Variants in SFXN5 observed in about 807,000 individuals in gnomAD.
SFXN5 encodes the protein sideroflexin-5.
In SFXN5, 43 loss-of-function variants were observed where a neutral mutation model predicts 50.2. The observed-to-expected ratio is 0.86, with a 90% CI of 0.67 to 1.11. SFXN5 has a LOEUF of 1.11. Ranked by LOEUF, SFXN5 falls within the 50% of genes least tolerant of loss-of-function variation. The probability of loss-of-function intolerance (pLI) is 0.00; values close to 1 mark genes in which losing one functional copy is unlikely to be tolerated. For synonymous variants in SFXN5, 203 were observed against 185.8 expected, an observed-to-expected ratio of 1.09 and a Z score of -0.75; for missense variants, 463 against 454.1, an observed-to-expected ratio of 1.02 and a Z score of -0.18.
rs1671746433 is a variant in SFXN5, at chr2:72,944,776, C to A, written c.*246G>T. ...ATAATTGTGCTGAGTGGAGTTTTGA[C>A]AACCCCACATAAGGCCCAGAAATGC... On this transcript the variant is annotated 3_prime_UTR_variant, in exon 14 of 14. Coordinates refer to ENST00000272433, the MANE Select transcript of SFXN5 (RefSeq NM_144579.3). 1 of 475,160 alleles carries A rather than the reference C, an allele frequency of 2.1e-6. No individual in the cohort carries two copies. Among genetic ancestry groups the A allele is most frequent in the African/African-American group, 2.0e-5 (1 of 51,100 alleles). The allele number at this position is 475,160 out of a possible 1,614,324, so 29.4% of individuals were successfully genotyped here. A position where few individuals can be genotyped will look rare whatever the true frequency, so the allele number is the denominator to read the frequency against.
chr2:73,020,328 G>A, intron 5 of SFXN5, 64 bp from the exon 6 acceptor site: 14 of 1,560,464 alleles, frequency 9.0e-6, no homozygotes, highest in Non-Finnish European at 1.1e-5. Flanking sequence ...AGATACCCAG[G>A]AGCCTCCGGG....
intron 1 of SFXN5, chr2:73,070,792 G>C (rs1361634696): frequency 6.6e-6 from 1 of 152,246 alleles, no homozygotes; most frequent in Non-Finnish European, 1.5e-5. Context: ...GGTGTGCCCA[G>C]AGCCAGTCCC....
intron 2 of SFXN5, among the ~76,000 whole-genome samples, chr2:73,047,347 A>C (rs1680634007): frequency 7.2e-6 from 1 of 139,622 alleles, no homozygotes. Context: ...ATATGTACAT[A>C]TATATGTGTA....
chr2:72,955,764 G>A (rs535327382), intron 13 of SFXN5, among the ~76,000 whole-genome samples: 31 of 152,216 alleles, frequency 2.0e-4, no homozygotes, highest in Non-Finnish European at 4.1e-4. Context: ...TGAGGCCCCA[G>A]TGTATGTCTG....
intron 2 of SFXN5, chr2:73,053,611 A>C (rs901497462): frequency 1.3e-5 from 2 of 152,198 alleles, no homozygotes; most frequent in Non-Finnish European, 1.5e-5. Context: ...AAGGGTTGGG[A>C]TCTTTTTAAA....
chr2:72,990,100 C>T (rs1268808645), intron 9 of SFXN5, among the ~76,000 whole-genome samples: 2 of 152,222 alleles, frequency 1.3e-5, no homozygotes, highest in African/African-American at 4.8e-5. Context: ...GCCCAGGCTG[C>T]GACTGTGAGA....
chr2:72,980,529 T>A (rs1433326025), intron 10 of SFXN5, among the ~76,000 whole-genome samples: 2 of 152,150 alleles, frequency 1.3e-5, no homozygotes, highest in African/African-American at 4.8e-5. Flanking sequence ...TTCTCTTAAG[T>A]AGCTTGAGAA....
intron 6 of SFXN5, among the ~76,000 whole-genome samples, chr2:73,010,741 T>C (rs1162632904): frequency 1.3e-5 from 2 of 152,226 alleles, no homozygotes; most frequent in African/African-American, 4.8e-5. Flanking sequence ...GAACACATTT[T>C]TTAAAACCCA....
At chr2:73,050,388 G>GCGCGCGCGCACACACACACACA in intron 2 of SFXN5, among the ~76,000 whole-genome samples, 55 of 143,908 alleles carry the variant, frequency 3.8e-4, no homozygotes, top group Middle Eastern at 3.5e-3. Flanking sequence ...CAGCCACAGC[G>GCGCGCGCGCACACACACACACA]CACGCACACA....
intron 13 of SFXN5, among the ~76,000 whole-genome samples, chr2:72,952,486 C>T (rs544684780): frequency 6.6e-6 from 1 of 152,320 alleles, no homozygotes; most frequent in African/African-American, 2.4e-5. Flanking sequence ...AGTAGGTCCT[C>T]AGTAACAGCT....
intron 6 of SFXN5, among the ~76,000 whole-genome samples, chr2:73,018,426 T>C (rs1676435213): frequency 1.3e-5 from 2 of 151,994 alleles, no homozygotes; most frequent in Admixed American, 6.5e-5. Context: ...TCAAAATAAA[T>C]AATGACAAGA....
At chr2:73,007,206 G>A (rs1674799783) in intron 6 of SFXN5, among the ~76,000 whole-genome samples, 2 of 152,026 alleles carry the variant, frequency 1.3e-5, no homozygotes, top group South Asian at 4.1e-4. Flanking sequence ...CCACCCCCTT[G>A]GCCACCTCCC....
At chr2:72,979,214 C>T (rs1434473226) in intron 10 of SFXN5, among the ~76,000 whole-genome samples, 1 of 152,202 alleles carries the variant, frequency 6.6e-6, no homozygotes, top group Admixed American at 6.5e-5. Flanking sequence ...CATACACTAA[C>T]TCCAGGTCGG....
chr2:73,049,935 C>A (rs1426841082), intron 2 of SFXN5: 1 of 142,504 alleles, frequency 7.0e-6, no homozygotes, highest in Non-Finnish European at 1.5e-5. Context: ...GTGGGACAGG[C>A]ACAAGACGAA....
intron 6 of SFXN5, among the ~76,000 whole-genome samples, chr2:73,013,320 T>A (rs1675766723): frequency 6.6e-6 from 1 of 152,064 alleles, no homozygotes; most frequent in South Asian, 2.1e-4. Flanking sequence ...GGCAATGATA[T>A]ATAATGCAAG....
At chr2:72,991,831 C>T (rs953494999) in intron 9 of SFXN5, among the ~76,000 whole-genome samples, 3 of 152,188 alleles carry the variant, frequency 2.0e-5, no homozygotes, top group Admixed American at 6.5e-5. Context: ...CAAACAGCAG[C>T]TAGCGATCAG....
At chr2:72,968,681 A>G in intron 11 of SFXN5, 148 bp from the exon 12 acceptor site, 1 of 548,848 alleles carries the variant, frequency 1.8e-6, no homozygotes, top group Non-Finnish European at 3.0e-6. Context: ...TGCATTCCAA[A>G]CAACAAAAAA....
At chr2:73,050,909 T>A (rs188880681) in intron 2 of SFXN5, among the ~76,000 whole-genome samples, 7 of 152,384 alleles carry the variant, frequency 4.6e-5, no homozygotes, top group Admixed American at 4.6e-4. Context: ...TCTTACGTTT[T>A]ACTATAAGCA....
intron 13 of SFXN5, among the ~76,000 whole-genome samples, chr2:72,949,398 A>C (rs1672290430): frequency 6.6e-6 from 1 of 152,202 alleles, no homozygotes. Flanking sequence ...ACTGCAGCTC[A>C]CTGCAGCCTC....
Sources: gnomAD v4.1 joint callset for allele counts (sites outside exome capture counted in the v4.1 genomes callset) on GRCh38, gnomAD v4.1.1 for gene constraint, MANE v1.5 for transcripts, NCBI Gene and HGNC (gene_info 2026-07-23, HGNC 2026-07-21) for gene names.